CEACAM21: variants seen among roughly 807,000 people sequenced by gnomAD.
The protein encoded by CEACAM21 is CEA cell adhesion molecule 21, also known as cell adhesion molecule CEACAM21.
CEACAM21 carries 38 observed loss-of-function variants against 33.2 expected under a neutral mutation model. That is an observed-to-expected ratio of 1.14 (90% CI 0.88 to 1.50). CEACAM21 has a LOEUF of 1.50. Ranked by LOEUF, CEACAM21 falls within the 40% of genes most tolerant of loss-of-function variation. CEACAM21 has a pLI of 0.00. For synonymous variants in CEACAM21, 156 were observed against 143.0 expected, an observed-to-expected ratio of 1.09 and a Z score of -0.65; for missense variants, 385 against 364.6, an observed-to-expected ratio of 1.06 and a Z score of -0.46.
At chr19:41,564,931 C>G (rs1226398739) in exon 2 of CEACAM21, 1 of 152,366 alleles carries the variant, frequency 6.6e-6, no homozygotes, top group African/African-American at 2.4e-5. Flanking sequence ...CGGAATGACA[C>G]AGTCGGATTC....
chr19:41,584,309 C>A, intron 3 of CEACAM21, 38 bp from the exon 4 acceptor site: 1 of 1,564,670 alleles, frequency 6.4e-7, no homozygotes, highest in Non-Finnish European at 8.8e-7. Context: ...CCCCCTGGAA[C>A]AGATTTGGAC....
intron 1 of CEACAM21, chr19:41,564,576 C>T (rs1483761609): frequency 6.6e-6 from 1 of 152,284 alleles, no homozygotes; most frequent in South Asian, 2.1e-4. Context: ...CCAGTCAACT[C>T]CGCCCCTCGC....
At chr19:41,564,459 C>T (rs988331356) in intron 1 of CEACAM21, among the ~76,000 whole-genome samples, 3 of 152,110 alleles carry the variant, frequency 2.0e-5, no homozygotes, top group Non-Finnish European at 4.4e-5. Context: ...GCCTCAATCT[C>T]CCCACCTTAC....
chr19:41,573,927 C>T (rs1056854363), upstream of CEACAM21, among the ~76,000 whole-genome samples: 3 of 152,212 alleles, frequency 2.0e-5, no homozygotes, highest in Non-Finnish European at 4.4e-5. Context: ...TTGGAGGACT[C>T]ACTTCCTAAT....
chr19:41,581,998 G>A (rs1345629707), intron 3 of CEACAM21, among the ~76,000 whole-genome samples: 1 of 152,162 alleles, frequency 6.6e-6, no homozygotes, highest in Non-Finnish European at 1.5e-5. Flanking sequence ...TTTCATCTGA[G>A]ACAAGGCAAG....
Position 41,577,378 on chromosome 19 carries a change from A to G in CEACAM21, c.243A>G (p.Ala81=). Residue 81 remains alanine (A), a synonymous_variant, in exon 2 of 7, where the codon GCA becomes GCG. Coordinates refer to ENST00000401445, the MANE Select transcript of CEACAM21 (RefSeq NM_001098506.4). ...KTVEPNQLIA[A]YVIDTHVRTP... is the part of the protein sequence containing the mutation. ...TGGAGCCCAACCAGCTAATCGCAGC[A>G]TATGTAATAGACACTCACGTTAGGA... 6.2e-7 allele frequency: 1 copy of G among 1,612,858 alleles called. No homozygotes were observed. Among genetic ancestry groups the G allele is most frequent in the East Asian group, 2.3e-5 (1 of 44,130 alleles).
chr19:41,586,028 G>A, intron 6 of CEACAM21, 157 bp downstream of exon 6: 2 of 759,248 alleles, frequency 2.6e-6, no homozygotes, highest in Non-Finnish European at 4.4e-6. Flanking sequence ...TCTGTTCAGG[G>A]CCAGGATCAT....
At chr19:41,561,743 C>T (rs1276224190) in intron 1 of CEACAM21, among the ~76,000 whole-genome samples, 1 of 152,148 alleles carries the variant, frequency 6.6e-6, no homozygotes, top group East Asian at 1.9e-4. Flanking sequence ...AAATCAGGAA[C>T]TATTTCTACA....
chr19:41,576,799 G>C (rs1158166041), intron 1 of CEACAM21, among the ~76,000 whole-genome samples: 1 of 152,252 alleles, frequency 6.6e-6, no homozygotes, highest in East Asian at 1.9e-4. Flanking sequence ...CAATCTCATG[G>C]GGGGGAAGAC....
At chr19:41,577,048 T>A (rs2042998714) in intron 1 of CEACAM21, among the ~76,000 whole-genome samples, 152 bp from the exon 2 acceptor site, 1 of 151,912 alleles carries the variant, frequency 6.6e-6, no homozygotes, top group Non-Finnish European at 1.5e-5. Context: ...ACTGAAGGAA[T>A]GAGGGTCATG....
intron 2 of CEACAM21, among the ~76,000 whole-genome samples, 161 bp downstream of exon 2, chr19:41,577,720 C>G (rs1343238317): frequency 1.3e-5 from 2 of 152,200 alleles, no homozygotes; most frequent in African/African-American, 4.8e-5. Context: ...CAAACTATAA[C>G]AGATCAGAAT....
chr19:41,572,203 T>A (rs1389948512), upstream of CEACAM21, among the ~76,000 whole-genome samples: 1 of 152,180 alleles, frequency 6.6e-6, no homozygotes, highest in African/African-American at 2.4e-5. Context: ...CAGTTGCTGG[T>A]AAACCTAAAT....
chr19:41,583,622 A>G (rs1472590386), intron 3 of CEACAM21, among the ~76,000 whole-genome samples: 14 of 152,340 alleles, frequency 9.2e-5, no homozygotes, highest in Admixed American at 3.9e-4. Flanking sequence ...CATGTCTTAC[A>G]TGGCAGCAGG....
intron 1 of CEACAM21, among the ~76,000 whole-genome samples, chr19:41,563,641 C>T (rs2122182421): frequency 6.6e-6 from 1 of 152,362 alleles, no homozygotes; most frequent in South Asian, 2.1e-4. Context: ...GGACTTTGAA[C>T]AGATCCCATC....
intron 1 of CEACAM21, 56 bp downstream of exon 1, chr19:41,576,394 G>T: frequency 6.4e-7 from 1 of 1,550,810 alleles, no homozygotes; most frequent in Admixed American, 2.0e-5. Flanking sequence ...AGACTGGCTG[G>T]GGTCTCCTGG....
At chr19:41,562,240 A>G (rs2041926412) in intron 1 of CEACAM21, among the ~76,000 whole-genome samples, 1 of 151,974 alleles carries the variant, frequency 6.6e-6, no homozygotes, top group Non-Finnish European at 1.5e-5. Flanking sequence ...GCAAGACTCC[A>G]TCTCAAAAAA....
intron 6 of CEACAM21, chr19:41,586,234 C>A: frequency 1.9e-6 from 1 of 528,436 alleles, no homozygotes. Context: ...CCTTGGGCCC[C>A]AGGGAGACCC....
Position 41,553,005 on chromosome 19 carries a change from G to C in CEACAM21, c.-779+3453G>C, listed in dbSNP as rs975455739. The stretch of plus-strand genomic sequence containing the variant: ...AGGAGACTTGTAGCCAGAGAAATAC[G>C]AATTTAACCCAAACTGTAGAAAATA... On this transcript the variant is annotated intron_variant, in intron 1 of 7. Coordinates refer to the CEACAM21 transcript ENST00000407170. Among the ~76,000 whole-genome samples, 5 of 152,078 alleles carry C rather than the reference G, an allele frequency of 3.3e-5. 1 individual carries two copies. The highest frequency in any genetic ancestry group is 5.9e-5 in the Non-Finnish European group (4 of 67,978).
chr19:41,567,713 T>G (rs894368299), intron 2 of CEACAM21, among the ~76,000 whole-genome samples: 2 of 152,194 alleles, frequency 1.3e-5, no homozygotes, highest in African/African-American at 4.8e-5. Flanking sequence ...AAAAAGAGAC[T>G]GTGCTAGCTC....
Sources: gnomAD v4.1 joint callset for allele counts (sites outside exome capture counted in the v4.1 genomes callset) on GRCh38, gnomAD v4.1.1 for gene constraint, MANE v1.5 for transcripts, NCBI Gene and HGNC (gene_info 2026-07-23, HGNC 2026-07-21) for gene names.